TAFA1: variants seen among roughly 807,000 people sequenced by gnomAD.
The protein encoded by TAFA1 is chemokine-like protein TAFA-1.
Under a neutral mutation model 18.5 loss-of-function variants are expected in TAFA1, and 4 were observed. That is an observed-to-expected ratio of 0.22 (90% CI 0.11 to 0.49). The LOEUF is 0.49. Ranked by LOEUF, TAFA1 falls within the 20% of genes least tolerant of loss-of-function variation. TAFA1 has a pLI of 0.98. For synonymous variants in TAFA1, 56 were observed against 55.2 expected (o/e 1.01, Z -0.06); for missense variants, 147 against 169.0 (o/e 0.87, Z 0.72).
At chr3:68,466,848 CA>C (rs1348937037) in intron 3 of TAFA1, among the ~76,000 whole-genome samples, 1 of 151,956 alleles carries the variant, frequency 6.6e-6, no homozygotes, top group Non-Finnish European at 1.5e-5. Flanking sequence ...GGAAAGAGTA[CA>C]AAAAATAGAA....
intron 2 of TAFA1, among the ~76,000 whole-genome samples, chr3:68,401,572 G>A (rs1409673013): frequency 6.6e-6 from 1 of 152,202 alleles, no homozygotes; most frequent in East Asian, 1.9e-4. Context: ...TTCCATCATG[G>A]TGTTTAGATA....
At chr3:68,485,388 C>T (rs1389628764) in intron 3 of TAFA1, among the ~76,000 whole-genome samples, 2 of 152,212 alleles carry the variant, frequency 1.3e-5, no homozygotes, top group Non-Finnish European at 2.9e-5. Flanking sequence ...TTTTGTTGTA[C>T]TTTGCCACTG....
chr3:68,220,292 G>T (rs929651444), intron 2 of TAFA1, among the ~76,000 whole-genome samples: 1 of 152,150 alleles, frequency 6.6e-6, no homozygotes, highest in Non-Finnish European at 1.5e-5. Context: ...AATGAAGCCA[G>T]TTCTAAAGTG....
chr3:68,263,205 C>A (rs552440309), intron 2 of TAFA1, among the ~76,000 whole-genome samples: 1 of 152,032 alleles, frequency 6.6e-6, no homozygotes, highest in East Asian at 1.9e-4. Context: ...GGGTTTTGAA[C>A]CCTGAAAATT....
chr3:68,424,159 G>C (rs759354917), intron 3 of TAFA1, among the ~76,000 whole-genome samples: 16 of 152,016 alleles, frequency 1.1e-4, no homozygotes, highest in Non-Finnish European at 1.6e-4. Context: ...CAACGTAACA[G>C]AACATTTTGC....
intron 2 of TAFA1, among the ~76,000 whole-genome samples, chr3:68,370,403 T>C (rs1422908264): frequency 4.5e-5 from 4 of 89,370 alleles, no homozygotes; most frequent in Non-Finnish European, 6.3e-5. Flanking sequence ...CACATATATA[T>C]ACACATATAT....
At chr3:68,102,668 C>G (rs1399961734) in intron 2 of TAFA1, among the ~76,000 whole-genome samples, 3 of 152,134 alleles carry the variant, frequency 2.0e-5, no homozygotes, top group Admixed American at 1.3e-4. Context: ...GAAAAAGATG[C>G]CTGAACTTGC....
rs1183541018 is a variant in TAFA1, at chr3:68,306,568, C to G, written c.119-110712C>G. On this transcript the variant is annotated intron_variant, in intron 2 of 4. Coordinates refer to ENST00000478136, the MANE Select transcript of TAFA1 (RefSeq NM_213609.4). ...AAAATAGATTTTGACTGAACAGTTT[C>G]AATTTGGTCTTATACAAATTTGTTG... Among the ~76,000 whole-genome samples the G allele has an allele frequency of 2.0e-5, 3 of 152,140 alleles. No homozygotes were observed. In the East Asian group the frequency reaches 5.8e-4, roughly 29 times the overall value.
intron 3 of TAFA1, among the ~76,000 whole-genome samples, chr3:68,525,431 T>C (rs969906938): frequency 6.6e-6 from 1 of 152,230 alleles, no homozygotes; most frequent in Non-Finnish European, 1.5e-5. Context: ...GTGCTGAGCA[T>C]AGAGCAGGTG....
At chr3:68,238,203 A>G (rs148613506) in intron 2 of TAFA1, among the ~76,000 whole-genome samples, 1 of 152,244 alleles carries the variant, frequency 6.6e-6, no homozygotes, top group East Asian at 1.9e-4. Flanking sequence ...GGCCTGTACA[A>G]GTGTCCAAGA....
chr3:68,463,645 G>A (rs896595475), intron 3 of TAFA1, among the ~76,000 whole-genome samples: 2 of 152,084 alleles, frequency 1.3e-5, no homozygotes, highest in African/African-American at 4.8e-5. Context: ...GAAAAGAAAA[G>A]CTCCATGTAA....
chr3:68,176,691 C>A (rs2066130729), intron 2 of TAFA1, among the ~76,000 whole-genome samples: 1 of 152,252 alleles, frequency 6.6e-6, no homozygotes, highest in African/African-American at 2.4e-5. Flanking sequence ...AAACCCTGAC[C>A]AATGTGTTTG....
chr3:68,192,153 T>C (rs1328861518), intron 2 of TAFA1, among the ~76,000 whole-genome samples: 1 of 151,846 alleles, frequency 6.6e-6, no homozygotes, highest in African/African-American at 2.4e-5. Context: ...AACTACTAGG[T>C]ACCAGATCCA....
chr3:68,198,092 C>T (rs2066433204), intron 2 of TAFA1, among the ~76,000 whole-genome samples: 1 of 151,602 alleles, frequency 6.6e-6, no homozygotes, highest in Non-Finnish European at 1.5e-5. Context: ...AAAGTTTTGC[C>T]TTTTCCAGAA....
chr3:68,072,952 T>A (rs192377550), intron 2 of TAFA1, among the ~76,000 whole-genome samples: 30 of 152,326 alleles, frequency 2.0e-4, no homozygotes, highest in East Asian at 1.5e-3. Flanking sequence ...TTAATTAGTT[T>A]GTTAGAATAC....
At chr3:68,202,102 C>T (rs2066475919) in intron 2 of TAFA1, among the ~76,000 whole-genome samples, 2 of 151,838 alleles carry the variant, frequency 1.3e-5, no homozygotes, top group East Asian at 1.9e-4. Context: ...CTCCTAACAC[C>T]ACCTCATTGG....
At chr3:68,285,014 G>C (rs1157195177) in intron 2 of TAFA1, among the ~76,000 whole-genome samples, 1 of 152,166 alleles carries the variant, frequency 6.6e-6, no homozygotes, top group Non-Finnish European at 1.5e-5. Context: ...CTTGAGCCCA[G>C]GAGTTAGAGG....
chr3:68,532,084 G>C (rs1313698236), intron 3 of TAFA1, among the ~76,000 whole-genome samples: 1 of 151,998 alleles, frequency 6.6e-6, no homozygotes, highest in African/African-American at 2.4e-5. Flanking sequence ...AAAATGAATG[G>C]ACAACAGATC....
At chr3:68,292,787 C>G (rs1242784398) in intron 2 of TAFA1, among the ~76,000 whole-genome samples, 1 of 152,180 alleles carries the variant, frequency 6.6e-6, no homozygotes, top group African/African-American at 2.4e-5. Context: ...CAAGGATCCT[C>G]CTGTCTTGGC....
Sources: allele counts gnomAD v4.1 joint callset (sites outside exome capture counted in the v4.1 genomes callset), GRCh38; gene constraint gnomAD v4.1.1; transcripts MANE v1.5; gene names NCBI Gene and HGNC (gene_info 2026-07-23, HGNC 2026-07-21).